Variants in SRPK2 observed in about 807,000 individuals in gnomAD.
SRPK2 encodes the protein SFRS protein kinase 2.
Under a neutral mutation model 90.8 loss-of-function variants are expected in SRPK2, and 21 were observed. The ratio of observed to expected loss-of-function variants is 0.23; its 90% CI spans 0.16 to 0.33. The LOEUF is 0.33. Among genes scored for constraint, SRPK2 ranks in the 10% least tolerant of loss-of-function variants. SRPK2 has a pLI of 1.00. For missense variants in SRPK2, 620 were observed against 869.0 expected (o/e 0.71, Z 3.60); for synonymous variants, 288 against 311.1 (o/e 0.93, Z 0.78).
intron 2 of SRPK2, chr7:105,302,182 T>C: frequency 3.5e-6 from 3 of 858,646 alleles, no homozygotes. Context: ...GGTGGCTTTT[T>C]ATAAAATAAT....
intron 2 of SRPK2, among the ~76,000 whole-genome samples, chr7:105,225,887 T>G (rs1798646264): frequency 6.6e-6 from 1 of 152,004 alleles, no homozygotes; most frequent in African/African-American, 2.4e-5. Context: ...AAAGTAAAAA[T>G]AAGCAAACAA....
chr7:105,247,548 ACACACACACACACAG>A (rs1415323345), intron 2 of SRPK2, among the ~76,000 whole-genome samples: 1 of 151,486 alleles, frequency 6.6e-6, no homozygotes, highest in African/African-American at 2.4e-5. Flanking sequence ...ACACACACAC[ACACACACACACACAG>A]AAGTTATACC....
chr7:105,279,275 G>A (rs1434486782), intron 2 of SRPK2, among the ~76,000 whole-genome samples: 1 of 141,884 alleles, frequency 7.0e-6, no homozygotes, highest in Non-Finnish European at 1.6e-5. Flanking sequence ...GGTAGTCTCA[G>A]GCTGGTTAGG....
chr7:105,143,112 C>T lies in SRPK2; in HGVS notation c.1032G>A (p.Ala344=), dbSNP rs762058361. ...VKLKTTGLEE[A]AEAETAKDNG... is the part of the protein sequence containing the mutation. ...TGTCCTTTGCAGTCTCTGCCTCAGC[C>T]GCCTCCTCTAATCCTGTTGTTTTTA... The change falls in exon 10 of 16, where the codon GCG becomes GCA. Residue 344 remains alanine (A), a synonymous_variant. Transcript: ENST00000393651. 45 of 1,613,994 alleles carry T rather than the reference C, an allele frequency of 2.8e-5. No individual in the cohort carries two copies. The highest frequency in any genetic ancestry group is 3.5e-5 in the Non-Finnish European group (41 of 1,180,010).
intron 2 of SRPK2, among the ~76,000 whole-genome samples, chr7:105,358,844 A>G (rs925570339): frequency 1.3e-5 from 2 of 152,110 alleles, no homozygotes; most frequent in Admixed American, 1.3e-4. Context: ...CAGGCTGTAC[A>G]ACAAGCATGG....
chr7:105,232,805 G>A (rs1799615444), intron 2 of SRPK2, among the ~76,000 whole-genome samples: 1 of 152,072 alleles, frequency 6.6e-6, no homozygotes, highest in East Asian at 1.9e-4. Context: ...ACGAGGTCAA[G>A]AGATCGAGAC....
In SRPK2 at chr7:105,122,829, ACAAT is replaced by A. The variant is rs369780341; in HGVS notation, c.1915+3415_1915+3418del. 1.8e-3 allele frequency among the ~76,000 whole-genome samples: 277 copies of A among 150,758 alleles called. 2 individuals carry two copies. Among genetic ancestry groups the A allele is most frequent in the African/African-American group, 6.6e-3 (266 of 40,402 alleles). The stretch of plus-strand genomic sequence containing the variant: ...CACACACGCGCGCGCACACATGCAC[ACAAT>A]CACTCTCTTTTATCCCAACACACTC... On this transcript the variant is annotated intron_variant, in intron 15 of 15. Coordinates refer to ENST00000393651, the MANE Select transcript of SRPK2 (RefSeq NM_182692.3).
chr7:105,272,117 T>A (rs2130566115), intron 2 of SRPK2, among the ~76,000 whole-genome samples: 1 of 152,336 alleles, frequency 6.6e-6, no homozygotes, highest in East Asian at 1.9e-4. Flanking sequence ...AAATGACACA[T>A]CTTCACAATT....
At chr7:105,194,928 C>T in intron 3 of SRPK2, among the ~76,000 whole-genome samples, 1 of 152,120 alleles carries the variant, frequency 6.6e-6, no homozygotes, top group Non-Finnish European at 1.5e-5. Flanking sequence ...GGTGGGGGAA[C>T]AAGTCTTCTC....
intron 2 of SRPK2, chr7:105,245,050 C>A (rs1041839940): frequency 7.8e-6 from 5 of 642,060 alleles, no homozygotes; most frequent in Admixed American, 2.5e-5. Context: ...CACACACACA[C>A]ACACACACAC....
At chr7:105,250,371 CTT>C (rs1802314971) in intron 2 of SRPK2, among the ~76,000 whole-genome samples, 1 of 151,424 alleles carries the variant, frequency 6.6e-6, no homozygotes, top group Admixed American at 6.6e-5. Context: ...AACAAACATA[CTT>C]TGTACCACAT....
intron 3 of SRPK2, chr7:105,189,774 AC>A (rs1239967053): frequency 6.6e-6 from 1 of 152,602 alleles, no homozygotes; most frequent in Non-Finnish European, 1.5e-5. Flanking sequence ...AAAAGGAAAA[AC>A]AAAGAAGAAT....
chr7:105,295,328 T>C (rs577807953), intron 2 of SRPK2, among the ~76,000 whole-genome samples: 2 of 151,872 alleles, frequency 1.3e-5, no homozygotes, highest in East Asian at 3.9e-4. Context: ...CAAATTCATA[T>C]AAATTTACAT....
Position 105,160,841 on chromosome 7 carries a change from C to T in SRPK2, c.515-228G>A, listed in dbSNP as rs931997641. ...TATCTCAGGAGATTGGTTCCAGGACCGCTCTCAGATACCAAAATGTACATA... is the reference window on the plus strand; with the variant it reads ...TATCTCAGGAGATTGGTTCCAGGACTGCTCTCAGATACCAAAATGTACATA... On this transcript the variant is annotated intron_variant, in intron 6 of 15. Coordinates refer to ENST00000393651, the MANE Select transcript of SRPK2 (RefSeq NM_182692.3). 7.9e-5 allele frequency among the ~76,000 whole-genome samples: 12 copies of T among 152,076 alleles called. No homozygotes were observed. The East Asian group carries it at 2.1e-3, about 27-fold the overall frequency.
At chr7:105,289,254 A>G (rs1808621879) in intron 2 of SRPK2, among the ~76,000 whole-genome samples, 1 of 151,986 alleles carries the variant, frequency 6.6e-6, no homozygotes, top group African/African-American at 2.4e-5. Flanking sequence ...AGCCTGGGCG[A>G]CAGAACAAGA....
chr7:105,217,232 AT>A (rs1338486393), intron 2 of SRPK2, among the ~76,000 whole-genome samples: 9 of 152,190 alleles, frequency 5.9e-5, no homozygotes, highest in Non-Finnish European at 1.3e-4. Flanking sequence ...TAGTTAAGAG[AT>A]TTCTTGAGAA....
intron 2 of SRPK2, among the ~76,000 whole-genome samples, chr7:105,384,836 T>G (rs966872101): frequency 2.0e-5 from 3 of 151,176 alleles, no homozygotes; most frequent in Non-Finnish European, 4.4e-5. Context: ...CACTTCTGTT[T>G]CCACTACTAC....
intron 2 of SRPK2, among the ~76,000 whole-genome samples, chr7:105,323,764 A>C (rs1399114160): frequency 6.6e-6 from 1 of 152,192 alleles, no homozygotes; most frequent in African/African-American, 2.4e-5. Context: ...GTATGGTACT[A>C]CATAATCAAC....
intron 2 of SRPK2, 103 bp from the exon 3 acceptor site, chr7:105,203,888 C>T (rs1346667348): frequency 3.7e-6 from 5 of 1,343,550 alleles, no homozygotes; most frequent in Non-Finnish European, 5.1e-6. Flanking sequence ...AAACTTGTCA[C>T]ATACTAAGAA....
Sources: gnomAD v4.1 joint callset for allele counts (sites outside exome capture counted in the v4.1 genomes callset) on GRCh38, gnomAD v4.1.1 for gene constraint, MANE v1.5 for transcripts, NCBI Gene and HGNC (gene_info 2026-07-23, HGNC 2026-07-21) for gene names.